Variants in CDKAL1 observed in about 807,000 individuals in gnomAD.
The protein encoded by CDKAL1 is threonylcarbamoyladenosine tRNA methylthiotransferase.
CDKAL1 carries 32 observed loss-of-function variants against 68.2 expected under a neutral mutation model. The ratio of observed to expected loss-of-function variants is 0.47; its 90% CI spans 0.35 to 0.63. The LOEUF is 0.63. Ranked by LOEUF, CDKAL1 falls within the 30% of genes least tolerant of loss-of-function variation. The probability of loss-of-function intolerance (pLI) is 0.00; values close to 1 mark genes in which losing one functional copy is unlikely to be tolerated. For synonymous variants in CDKAL1, 234 were observed against 244.3 expected (o/e 0.96, Z 0.39); for missense variants, 606 against 696.7 (o/e 0.87, Z 1.47).
intron 9 of CDKAL1, among the ~76,000 whole-genome samples, chr6:20,948,864 C>T (rs1311972250): frequency 6.6e-6 from 1 of 152,180 alleles, no homozygotes; most frequent in African/African-American, 2.4e-5. Context: ...GCCTTGTTTT[C>T]AGAAAGTGTA....
chr6:20,971,929 A>G (rs1222917502), intron 10 of CDKAL1, among the ~76,000 whole-genome samples: 1 of 152,176 alleles, frequency 6.6e-6, no homozygotes, highest in African/African-American at 2.4e-5. Flanking sequence ...TAACGTGAAA[A>G]AACTGTTGTT....
rs1410185739 is a variant in CDKAL1 at position 20,790,812 on chromosome 6, C to G, written c.638+9547C>G. 2.0e-5 allele frequency among the ~76,000 whole-genome samples: 3 copies of G among 152,186 alleles called. 1 individual carries two copies. The highest frequency in any genetic ancestry group is 2.0e-4 in the Admixed American group (3 of 15,280). On this transcript the variant is annotated intron_variant, in intron 8 of 15. Transcript: ENST00000274695. The stretch of plus-strand genomic sequence containing the variant: ...CCCTGTAGTTGGGTGGTTTCTCTCT[C>G]TCTGTGTGTCTGGGTCTGGGGCTTT...
chr6:20,595,258 A>C (rs535952222), intron 4 of CDKAL1, among the ~76,000 whole-genome samples: 1 of 152,294 alleles, frequency 6.6e-6, no homozygotes, highest in Middle Eastern at 3.4e-3. Flanking sequence ...AGTATCCTGC[A>C]GAGTGTTTTC....
intron 9 of CDKAL1, among the ~76,000 whole-genome samples, chr6:20,858,577 T>G (rs940242301): frequency 2.6e-5 from 4 of 152,222 alleles, no homozygotes; most frequent in African/African-American, 9.6e-5. Context: ...GGAAGATAAC[T>G]TTATTTCCTT....
rs573930548 is a variant in CDKAL1 at position 20,765,145 on chromosome 6, C to CTT, written c.517+6530_517+6531dup. ...CCATTGCAAAGGTAATGGTTACATT[C>CTT]TTTTTTTTTTTTTTTTTTTTTTTTT... On this transcript the variant is annotated intron_variant, in intron 7 of 15. Transcript: ENST00000274695. Among the ~76,000 whole-genome samples the CTT allele has an allele frequency of 3.8e-4, 11 of 28,898 alleles. 3 individuals are homozygous for CTT. The highest frequency in any genetic ancestry group is 9.5e-4 in the African/African-American group (6 of 6,332). 19.0% of individuals were successfully genotyped at this position (28,898 alleles called of 152,430 possible). A position where few individuals can be genotyped will look rare whatever the true frequency, so the allele number is the denominator to read the frequency against.
At chr6:21,186,848 A>G (rs1422941694) in intron 13 of CDKAL1, among the ~76,000 whole-genome samples, 2 of 152,142 alleles carry the variant, frequency 1.3e-5, no homozygotes, top group Non-Finnish European at 2.9e-5. Context: ...AAACAACATC[A>G]TAATGTTTTA....
intron 4 of CDKAL1, among the ~76,000 whole-genome samples, chr6:20,574,483 T>C (rs1764835517): frequency 6.6e-6 from 1 of 152,162 alleles, no homozygotes; most frequent in African/African-American, 2.4e-5. Context: ...TATCCACTCC[T>C]TGGACTTACT....
chr6:20,936,162 G>A (rs1476867197), intron 9 of CDKAL1, among the ~76,000 whole-genome samples: 3 of 150,168 alleles, frequency 2.0e-5, no homozygotes, highest in South Asian at 2.1e-4. Context: ...TGGTTATGCC[G>A]ACCTATCTTA....
intron 11 of CDKAL1, among the ~76,000 whole-genome samples, chr6:21,010,140 C>T (rs964093867): frequency 3.3e-5 from 5 of 152,146 alleles, no homozygotes; most frequent in East Asian, 1.9e-4. Context: ...CAATTTTTTA[C>T]GTAAAATGTT....
At chr6:20,972,962 A>G (rs1765666685) in intron 10 of CDKAL1, among the ~76,000 whole-genome samples, 1 of 152,050 alleles carries the variant, frequency 6.6e-6, no homozygotes, top group Non-Finnish European at 1.5e-5. Context: ...TGCTATATAA[A>G]TTGAAGACTT....
intron 9 of CDKAL1, among the ~76,000 whole-genome samples, chr6:20,875,179 G>C (rs1419258634): frequency 6.6e-6 from 1 of 151,406 alleles, no homozygotes; most frequent in African/African-American, 2.4e-5. Flanking sequence ...GGCGCCTGTA[G>C]TCCCAGCTAC....
chr6:20,691,769 C>T (rs904146299), intron 5 of CDKAL1, among the ~76,000 whole-genome samples: 8 of 152,046 alleles, frequency 5.3e-5, no homozygotes, highest in African/African-American at 1.9e-4. Context: ...GTAGTTGTCT[C>T]CATAGTGGGA....
chr6:20,911,078 T>C (rs1478541721), intron 9 of CDKAL1, among the ~76,000 whole-genome samples: 1 of 152,250 alleles, frequency 6.6e-6, no homozygotes, highest in Non-Finnish European at 1.5e-5. Context: ...CCCAGCAAAC[T>C]AATGCATGTA....
intron 8 of CDKAL1, among the ~76,000 whole-genome samples, chr6:20,797,393 T>C (rs1430608121): frequency 1.3e-5 from 2 of 152,222 alleles, no homozygotes; most frequent in Non-Finnish European, 2.9e-5. Context: ...TACATTGTTG[T>C]TGGAGATGCT....
intron 9 of CDKAL1, among the ~76,000 whole-genome samples, chr6:20,939,559 G>A (rs4710960): frequency 0.89 from 135,645 of 152,258 alleles, 60,560 homozygotes; most frequent in East Asian, 1. Context: ...GGGCACTTAT[G>A]AAAGATAACA....
At chr6:20,908,242 G>T (rs186455606) in intron 9 of CDKAL1, among the ~76,000 whole-genome samples, 218 of 152,224 alleles carry the variant, frequency 1.4e-3, no homozygotes, top group Non-Finnish European at 2.5e-3. Context: ...ACAAAAGAAA[G>T]GTTAATGTAT....
At chr6:20,981,093 C>G (rs1394824701) in intron 10 of CDKAL1, among the ~76,000 whole-genome samples, 1 of 152,132 alleles carries the variant, frequency 6.6e-6, no homozygotes, top group Non-Finnish European at 1.5e-5. Flanking sequence ...GGTTTTGAAA[C>G]TGGGTAACTG....
intron 15 of CDKAL1, among the ~76,000 whole-genome samples, chr6:21,216,689 G>C (rs1253580765): frequency 1.3e-5 from 2 of 152,188 alleles, no homozygotes; most frequent in African/African-American, 4.8e-5. Flanking sequence ...ACTGCTTGGA[G>C]AGTTAATGTT....
chr6:21,110,415 C>G (rs1249232537), intron 13 of CDKAL1, among the ~76,000 whole-genome samples: 1 of 152,154 alleles, frequency 6.6e-6, no homozygotes, highest in Non-Finnish European at 1.5e-5. Flanking sequence ...GAGAATGTTG[C>G]TATTTTTCCC....
Sources: gnomAD v4.1 joint callset for allele counts (sites outside exome capture counted in the v4.1 genomes callset) on GRCh38, gnomAD v4.1.1 for gene constraint, MANE v1.5 for transcripts, NCBI Gene and HGNC (gene_info 2026-07-23, HGNC 2026-07-21) for gene names.